Variants in CAPN13 observed in about 807,000 individuals in gnomAD.
The protein encoded by CAPN13 is calpain 13.
A neutral mutation model predicts 98.4 loss-of-function variants in CAPN13; 90 were observed. The ratio of observed to expected loss-of-function variants is 0.92; its 90% confidence interval spans 0.77 to 1.09. The LOEUF (loss-of-function observed/expected upper bound fraction) is 1.09, where lower values mean the gene tolerates loss of function less well. Among genes scored for constraint, CAPN13 ranks in the 50% least tolerant of loss-of-function variants. The pLI, the probability that CAPN13 is intolerant of heterozygous loss-of-function variation, is 0.00. For synonymous variants in CAPN13, 330 were observed against 305.5 expected, an observed-to-expected ratio of 1.08 and a Z score of -0.84; for missense variants, 887 against 841.3, an observed-to-expected ratio of 1.05 and a Z score of -0.67.
At chr2:30,802,463 A>ATGTGTG (rs60572949) in intron 1 of CAPN13, among the ~76,000 whole-genome samples, 2,753 of 140,160 alleles carry the variant, frequency 0.02, 76 homozygotes, top group African/African-American at 0.057. Flanking sequence ...GTGTGTGTGT[A>ATGTGTG]TGTGTGTGTG....
At chr2:30,768,355 G>A (rs995671211) in intron 5 of CAPN13, among the ~76,000 whole-genome samples, 1 of 152,250 alleles carries the variant, frequency 6.6e-6, no homozygotes, top group Non-Finnish European at 1.5e-5. Flanking sequence ...TTCAGAGGAA[G>A]TGGGGGTCCT....
chr2:30,790,816 A>C (rs1674569840), intron 1 of CAPN13, among the ~76,000 whole-genome samples: 1 of 152,182 alleles, frequency 6.6e-6, no homozygotes, highest in Non-Finnish European at 1.5e-5. Flanking sequence ...TAACAACAGG[A>C]TTTATTTCTC....
intron 1 of CAPN13, among the ~76,000 whole-genome samples, chr2:30,793,694 A>AT (rs772292854): frequency 1.3e-5 from 2 of 151,942 alleles, no homozygotes; most frequent in Non-Finnish European, 2.9e-5. Context: ...ACTTCAATAC[A>AT]TATTATAAAG....
intron 7 of CAPN13, among the ~76,000 whole-genome samples, chr2:30,758,628 A>G (rs1672585264): frequency 6.6e-6 from 1 of 152,166 alleles, no homozygotes; most frequent in African/African-American, 2.4e-5. Context: ...GGCAGATTTG[A>G]GCAAGACTGA....
At position 30,802,381 on chromosome 2, in the gene CAPN13, T is replaced by G. The variant is rs139656574; in HGVS notation, c.-33+4921A>C. Among the ~76,000 whole-genome samples the G allele has an allele frequency of 1.8e-3, 273 of 152,088 alleles. 1 individual carries two copies. Among genetic ancestry groups the G allele is most frequent in the African/African-American group, 6.3e-3 (263 of 41,458 alleles). ...ATATGGACCAGTGGGAGGAGAAATG[T>G]TTTTCAAAAACAAGAGCTTTCTATA... On this transcript the variant is annotated intron_variant, in intron 1 of 22. Coordinates refer to ENST00000295055, the MANE Select transcript of CAPN13 (RefSeq NM_144575.3).
At chr2:30,766,677 T>C (rs998996762) in intron 5 of CAPN13, among the ~76,000 whole-genome samples, 1 of 152,154 alleles carries the variant, frequency 6.6e-6, no homozygotes, top group Non-Finnish European at 1.5e-5. Context: ...AAAATGTCTT[T>C]CTGCCCGGCA....
intron 11 of CAPN13, among the ~76,000 whole-genome samples, chr2:30,748,870 A>G (rs541621510): frequency 1.7e-4 from 26 of 152,268 alleles, no homozygotes; most frequent in African/African-American, 5.3e-4. Context: ...TGAAATTGGG[A>G]AATGGAAATA....
At chr2:30,756,734 G>A (rs1672471316) in intron 8 of CAPN13, among the ~76,000 whole-genome samples, 2 of 152,166 alleles carry the variant, frequency 1.3e-5, no homozygotes, top group African/African-American at 4.8e-5. Flanking sequence ...AAGGGCAAAG[G>A]ATACACCTGG....
chr2:30,750,972 A>G (rs1287365367), intron 11 of CAPN13, 131 bp downstream of exon 11: 10 of 1,020,164 alleles, frequency 9.8e-6, no homozygotes, highest in Non-Finnish European at 1.0e-5. Flanking sequence ...CATGAATGCT[A>G]CAGCCTCTTT....
intron 19 of CAPN13, among the ~76,000 whole-genome samples, chr2:30,733,764 T>G (rs1034026155): frequency 6.6e-6 from 1 of 152,186 alleles, no homozygotes; most frequent in African/African-American, 2.4e-5. Context: ...ATCCTTCCAG[T>G]GTTAACCCGG....
chr2:30,724,529 G>A (rs1180072551), intron 22 of CAPN13, among the ~76,000 whole-genome samples: 2 of 152,214 alleles, frequency 1.3e-5, no homozygotes, highest in South Asian at 2.1e-4. Context: ...TCTGTTTCCC[G>A]GATTCCAACT....
At chr2:30,791,797 G>T (rs1674621216) in intron 1 of CAPN13, among the ~76,000 whole-genome samples, 1 of 152,144 alleles carries the variant, frequency 6.6e-6, no homozygotes, top group Admixed American at 6.6e-5. Flanking sequence ...AAAATATATG[G>T]AAGGAGATTT....
intron 18 of CAPN13, 92 bp downstream of exon 18, chr2:30,736,411 T>A: frequency 7.9e-7 from 1 of 1,260,720 alleles, no homozygotes; most frequent in Admixed American, 1.8e-5. Context: ...TCTTCTTTCA[T>A]ACCCCTGAAC....
At chr2:30,771,038 C>T (rs1276420239) in intron 4 of CAPN13, among the ~76,000 whole-genome samples, 2 of 152,218 alleles carry the variant, frequency 1.3e-5, no homozygotes, top group African/African-American at 4.8e-5. Flanking sequence ...CCCTCTTCTT[C>T]CATCAAGCTG....
At chr2:30,791,363 C>T (rs753802180) in intron 1 of CAPN13, among the ~76,000 whole-genome samples, 1 of 152,168 alleles carries the variant, frequency 6.6e-6, no homozygotes, top group Non-Finnish European at 1.5e-5. Flanking sequence ...TAGCGCTAGG[C>T]CTGGCACATA....
In CAPN13 at chr2:30,754,337, A is replaced by T; in HGVS notation, c.894T>A (p.Asp298Glu). The change falls in exon 9 of 23, where the codon GAT becomes GAA. Residue 298 changes from aspartate to glutamate, a missense_variant. Coordinates refer to ENST00000295055, the MANE Select transcript of CAPN13 (RefSeq NM_144575.3). The stretch of plus-strand genomic sequence containing the variant: ...TCTTATGTAGCTGGCTTTTCCGCGG[A>T]TCACAGGTTTCCTCCCACTCCTGAG... ...DGSQEWEETC[D>E]PRKSQLHKKR... The T allele has an allele frequency of 6.2e-7, 1 of 1,606,316 alleles. No homozygotes were observed. The highest frequency in any genetic ancestry group is 8.5e-7 in the Non-Finnish European group (1 of 1,176,866).
At chr2:30,751,901 A>G (rs1175604287) in intron 10 of CAPN13, among the ~76,000 whole-genome samples, 1 of 152,250 alleles carries the variant, frequency 6.6e-6, no homozygotes, top group African/African-American at 2.4e-5. Flanking sequence ...CATCTGCAGC[A>G]CATAGCAGGT....
intron 8 of CAPN13, among the ~76,000 whole-genome samples, chr2:30,754,784 G>A (rs1213733074): frequency 6.6e-6 from 1 of 152,032 alleles, no homozygotes; most frequent in Non-Finnish European, 1.5e-5. Flanking sequence ...TCAAAGCCAG[G>A]CACTTACTTC....
At chr2:30,750,209 A>G (rs1249504774) in intron 11 of CAPN13, among the ~76,000 whole-genome samples, 1 of 152,210 alleles carries the variant, frequency 6.6e-6, no homozygotes, top group Non-Finnish European at 1.5e-5. Context: ...GCAGGAACAG[A>G]AAAGCAAATA....
Sources: gnomAD v4.1 joint callset for allele counts (sites outside exome capture counted in the v4.1 genomes callset) on GRCh38, gnomAD v4.1.1 for gene constraint, MANE v1.5 for transcripts, NCBI Gene and HGNC (gene_info 2026-07-23, HGNC 2026-07-21) for gene names.